The following ARPP21 variants were observed in gnomAD, a reference collection of about 807,000 sequenced individuals.
ARPP21 encodes cAMP-regulated phosphoprotein 21.
Under a neutral mutation model 113.2 loss-of-function variants are expected in ARPP21, and 69 were observed. The observed-to-expected ratio is 0.61, with a 90% CI of 0.50 to 0.74. ARPP21 has a LOEUF of 0.74. Ranked by LOEUF, ARPP21 falls within the 30% of genes least tolerant of loss-of-function variation. The pLI is 0.00. For missense variants in ARPP21, 1,070 were observed against 1,037.4 expected, an observed-to-expected ratio of 1.03 and a Z score of -0.43; for synonymous variants, 368 against 375.5, an observed-to-expected ratio of 0.98 and a Z score of 0.23.
intron 1 of ARPP21, chr3:35,678,949 T>C (rs1053620156): frequency 1.3e-5 from 2 of 152,032 alleles, no homozygotes; most frequent in Non-Finnish European, 2.9e-5. Context: ...GCAAATATTA[T>C]TAGGAGCCCG....
At chr3:35,708,795 G>A (rs929193142) in intron 10 of ARPP21, among the ~76,000 whole-genome samples, 174 bp from the exon 11 acceptor site, 3 of 152,224 alleles carry the variant, frequency 2.0e-5, no homozygotes, top group Non-Finnish European at 4.4e-5. Context: ...TGCATGTCAT[G>A]CACACACATG....
chr3:35,770,062 A>C (rs2096141768), intron 19 of ARPP21, among the ~76,000 whole-genome samples: 1 of 152,220 alleles, frequency 6.6e-6, no homozygotes, highest in Non-Finnish European at 1.5e-5. Context: ...CAAATCTAAA[A>C]GAAGCTAGAA....
intron 19 of ARPP21, among the ~76,000 whole-genome samples, chr3:35,776,517 G>A (rs1457525467): frequency 1.3e-5 from 2 of 152,132 alleles, no homozygotes; most frequent in Non-Finnish European, 2.9e-5. Flanking sequence ...AAGTTGGAAA[G>A]GTACCTGCTT....
At chr3:35,746,175 AAC>A (rs2095036481) in intron 19 of ARPP21, among the ~76,000 whole-genome samples, 2 of 152,208 alleles carry the variant, frequency 1.3e-5, no homozygotes, top group South Asian at 2.1e-4. Flanking sequence ...CTAAAATCCC[AAC>A]ACAGTTTCCA....
At chr3:35,783,519 T>C (rs1470681379) in intron 19 of ARPP21, among the ~76,000 whole-genome samples, 3 of 152,108 alleles carry the variant, frequency 2.0e-5, no homozygotes, top group Non-Finnish European at 4.4e-5. Flanking sequence ...TGTGTCTCTT[T>C]TCTCTGTTGC....
intron 1 of ARPP21, among the ~76,000 whole-genome samples, chr3:35,649,529 G>T (rs1445443523): frequency 6.6e-6 from 1 of 152,170 alleles, no homozygotes; most frequent in African/African-American, 2.4e-5. Flanking sequence ...GTTACACAGA[G>T]CTAAAGGCAA....
At chr3:35,787,072 C>G (rs957921075) in intron 19 of ARPP21, among the ~76,000 whole-genome samples, 1 of 152,172 alleles carries the variant, frequency 6.6e-6, no homozygotes, top group Admixed American at 6.5e-5. Flanking sequence ...ATAGTGTTCA[C>G]AGAATTAGAA....
chr3:35,657,840 A>G (rs1375505846), intron 1 of ARPP21, among the ~76,000 whole-genome samples: 1 of 152,054 alleles, frequency 6.6e-6, no homozygotes, highest in Non-Finnish European at 1.5e-5. Context: ...AACCTTAGAA[A>G]TAGCTCTCCC....
At chr3:35,785,352 G>T (rs2096607787) in intron 19 of ARPP21, 1 of 152,090 alleles carries the variant, frequency 6.6e-6, no homozygotes, top group Admixed American at 6.6e-5. Context: ...ACAGCACTAT[G>T]GGCCAGGAAA....
At chr3:35,769,286 A>T (rs2096107371) in intron 19 of ARPP21, among the ~76,000 whole-genome samples, 1 of 152,262 alleles carries the variant, frequency 6.6e-6, no homozygotes, top group South Asian at 2.1e-4. Context: ...ATAGGGTATC[A>T]TAATAACCCT....
At chr3:35,765,737 C>A (rs1034837791) in intron 19 of ARPP21, among the ~76,000 whole-genome samples, 7 of 152,024 alleles carry the variant, frequency 4.6e-5, no homozygotes, top group Non-Finnish European at 8.8e-5. Context: ...AATAGGTTAA[C>A]CTCAATAATT....
chr3:35,663,210 T>C (rs556395994), intron 1 of ARPP21, among the ~76,000 whole-genome samples: 1 of 152,148 alleles, frequency 6.6e-6, no homozygotes, highest in African/African-American at 2.4e-5. Context: ...TACCCCAGAA[T>C]TGAATAAAAA....
rs544625805 is a variant in ARPP21, at chr3:35,716,602, A to C, written c.936-696A>C. On this transcript the variant is annotated intron_variant, in intron 12 of 20. Transcript: ENST00000684406. ...TTTACAGTAAAATCAGTAATCCATAAGCATTGACATCTTGCAGGTGATTTC... is the reference window on the plus strand; with the variant it reads ...TTTACAGTAAAATCAGTAATCCATACGCATTGACATCTTGCAGGTGATTTC... Among the ~76,000 whole-genome samples, 10 of 152,212 alleles carry C rather than the reference A, an allele frequency of 6.6e-5. No individual in the cohort carries two copies. The South Asian group carries it at 2.1e-3, about 32-fold the overall frequency.
chr3:35,700,430 T>A (rs1559665830), intron 9 of ARPP21, among the ~76,000 whole-genome samples: 1 of 151,494 alleles, frequency 6.6e-6, no homozygotes, highest in Admixed American at 6.6e-5. Flanking sequence ...TTTAAGGGAG[T>A]GGAGCTTTGA....
At chr3:35,691,458 GCAGA>G (rs2082217371) in intron 9 of ARPP21, among the ~76,000 whole-genome samples, 1 of 151,438 alleles carries the variant, frequency 6.6e-6, no homozygotes, top group Non-Finnish European at 1.5e-5. Context: ...GAACCTAGAG[GCAGA>G]AATCCTGCCT....
At chr3:35,744,244 G>A (rs545363664) in intron 19 of ARPP21, among the ~76,000 whole-genome samples, 16 of 152,174 alleles carry the variant, frequency 1.1e-4, no homozygotes, top group East Asian at 3.9e-4. Flanking sequence ...AACCATGTCC[G>A]TACCTTTCTA....
At chr3:35,638,970 G>T (rs1345734824), upstream of ARPP21, 2 of 152,450 alleles carry the variant, frequency 1.3e-5, no homozygotes, top group Admixed American at 1.3e-4. Context: ...AGTGAGCGGT[G>T]GAGGGAGTGG....
chr3:35,792,101 T>A, intron 19 of ARPP21: 1 of 286,222 alleles, frequency 3.5e-6, no homozygotes, highest in Non-Finnish European at 6.5e-6. Flanking sequence ...TAGAGTCTTC[T>A]GTTTTTGTGC....
chr3:35,669,482 T>A (rs938638092), intron 1 of ARPP21, among the ~76,000 whole-genome samples: 1 of 152,142 alleles, frequency 6.6e-6, no homozygotes. Flanking sequence ...ATCCTAGCAA[T>A]TTCCACATCC....
Sources: gnomAD v4.1 joint callset for allele counts (sites outside exome capture counted in the v4.1 genomes callset) on GRCh38, gnomAD v4.1.1 for gene constraint, MANE v1.5 for transcripts, NCBI Gene and HGNC (gene_info 2026-07-23, HGNC 2026-07-21) for gene names.